RERE: variants seen among roughly 807,000 people sequenced by gnomAD.
The protein encoded by RERE is arginine-glutamic acid dipeptide repeats.
In RERE, 40 loss-of-function variants were observed where a neutral mutation model predicts 146.1. The observed-to-expected ratio is 0.27, with a 90% CI of 0.21 to 0.36. The LOEUF is 0.36. Ranked by LOEUF, RERE falls within the 10% of genes least tolerant of loss-of-function variation. The pLI, the probability that RERE is intolerant of heterozygous loss-of-function variation, is 1.00. For missense variants in RERE, 1,933 were observed against 2,138.7 expected (o/e 0.90, Z 1.90); for synonymous variants, 1,003 against 866.0 (o/e 1.16, Z -2.78).
chr1:8,418,389 T>C (rs550177162), intron 12 of RERE, among the ~76,000 whole-genome samples: 2 of 152,288 alleles, frequency 1.3e-5, no homozygotes, highest in East Asian at 3.9e-4. Flanking sequence ...TCCATCTCCC[T>C]CCAGGGGCTA....
At chr1:8,400,023 C>T (rs1352031206) in intron 12 of RERE, among the ~76,000 whole-genome samples, 3 of 151,802 alleles carry the variant, frequency 2.0e-5, no homozygotes, top group South Asian at 2.1e-4. Flanking sequence ...CCACTGCACC[C>T]GGCTCAGTAT....
In RERE at chr1:8,360,169, C is replaced by A. The variant is rs781369484; in HGVS notation, c.3338G>T (p.Ser1113Ile). ...EPESPPPPPR[S>I]PSPEPTVVDT... ...CACCACAGTGGGCTCCGGGGACGGG[C>A]TCCTTGGTGGGGGAGGGGGGCTCTC... The change falls in exon 18 of 23, where the codon AGC becomes ATC. Residue 1113 changes from serine (S) to isoleucine (I), a missense_variant. Ser to Ile is a moderately radical substitution (Grantham distance 142). Coordinates refer to ENST00000400908, the MANE Select transcript of RERE (RefSeq NM_001042681.2). The A allele has an allele frequency of 1.9e-6, 3 of 1,599,708 alleles. No homozygotes were observed. Among genetic ancestry groups the A allele is most frequent in the Non-Finnish European group, 1.7e-6 (2 of 1,173,638 alleles).
intron 1 of RERE, chr1:8,798,682 A>G (rs1641528423): frequency 5.2e-6 from 1 of 191,934 alleles, no homozygotes; most frequent in East Asian, 1.2e-4. Flanking sequence ...AGAGTCAAAG[A>G]TCAAGTCTTT....
chr1:8,801,770 T>C (rs1374147350), intron 1 of RERE, among the ~76,000 whole-genome samples: 1 of 152,194 alleles, frequency 6.6e-6, no homozygotes, highest in Non-Finnish European at 1.5e-5. Flanking sequence ...ACCCACTGAT[T>C]CAGCAACTCT....
intron 4 of RERE, among the ~76,000 whole-genome samples, chr1:8,568,134 CAAAA>C (rs200687441): frequency 2.6e-5 from 4 of 151,502 alleles, no homozygotes; most frequent in Non-Finnish European, 4.4e-5. Context: ...CAGAACAGAA[CAAAA>C]AAAAGCAGGG....
intron 1 of RERE, among the ~76,000 whole-genome samples, chr1:8,685,446 G>A (rs1639063939): frequency 6.6e-6 from 1 of 152,112 alleles, no homozygotes; most frequent in Admixed American, 6.5e-5. Flanking sequence ...TTAAGGCCGG[G>A]CGCGGTGGCT....
At position 8,556,553 on chromosome 1, in the gene RERE, A is replaced by G; in HGVS notation, c.647T>C (p.Val216Ala). 2 of 1,605,002 alleles carry G rather than the reference A, an allele frequency of 1.2e-6. 1 individual carries two copies. The highest frequency in any genetic ancestry group is 1.7e-6 in the Non-Finnish European group (2 of 1,171,710). Residue 216 changes from valine (V) to alanine (A), a missense_variant, in exon 6 of 23, where the codon GTC becomes GCC. By Grantham distance (64) the Val-to-Ala change is moderately conservative. Transcript: ENST00000400908. ...GTTCTTGATAACTGGGTCTGTAATG[A>G]CAAGTTCTCTTCCAGAGTCTGTCAA... ...HNENDSGREL[V>A]ITDPVIKNRE...
chr1:8,422,676 G>A, intron 12 of RERE, 51 bp downstream of exon 12: 1 of 1,306,666 alleles, frequency 7.7e-7, no homozygotes, highest in Non-Finnish European at 1.1e-6. Context: ...TGGAGAGGCA[G>A]CAGGAGCAAA....
chr1:8,493,362 C>A (rs1435656895), intron 10 of RERE, among the ~76,000 whole-genome samples: 1 of 152,160 alleles, frequency 6.6e-6, no homozygotes, highest in East Asian at 1.9e-4. Context: ...CCTATCGAAT[C>A]AGTGACAATG....
chr1:8,683,574 G>T (rs1393955679), intron 1 of RERE, among the ~76,000 whole-genome samples: 1 of 151,970 alleles, frequency 6.6e-6, no homozygotes, highest in Non-Finnish European at 1.5e-5. Flanking sequence ...ACCAATAAAG[G>T]TATAAAACAC....
At chr1:8,567,405 C>T (rs1646165828) in intron 4 of RERE, among the ~76,000 whole-genome samples, 1 of 152,180 alleles carries the variant, frequency 6.6e-6, no homozygotes, top group South Asian at 2.1e-4. Flanking sequence ...TACATACAAA[C>T]ACTCAGAAAG....
At chr1:8,800,668 A>C (rs1641570654) in intron 1 of RERE, among the ~76,000 whole-genome samples, 1 of 152,074 alleles carries the variant, frequency 6.6e-6, no homozygotes, top group African/African-American at 2.4e-5. Context: ...TTCCGTCTCT[A>C]AAAAAACTTT....
At chr1:8,563,247 A>G (rs551875473) in intron 4 of RERE, among the ~76,000 whole-genome samples, 1 of 152,360 alleles carries the variant, frequency 6.6e-6, no homozygotes, top group South Asian at 2.1e-4. Flanking sequence ...AACAGTCTTA[A>G]TATCAGCCTC....
At chr1:8,406,052 AT>A (rs1174148647) in intron 12 of RERE, among the ~76,000 whole-genome samples, 1 of 151,974 alleles carries the variant, frequency 6.6e-6, no homozygotes, top group Non-Finnish European at 1.5e-5. Flanking sequence ...ATGTACTATG[AT>A]TTTTAACTGC....
chr1:8,353,390 T>C lies in RERE; in HGVS notation c.*1697A>G, dbSNP rs1457008943. The C allele has an allele frequency of 2.0e-5, 3 of 152,382 alleles. No individual in the cohort carries two copies. The highest frequency in any genetic ancestry group is 7.2e-5 in the African/African-American group (3 of 41,602). 9.4% of individuals were successfully genotyped at this position (152,382 alleles called of 1,614,324 possible). A position where few individuals can be genotyped will look rare whatever the true frequency, so the allele number is the denominator to read the frequency against. ...AGATCAAACTATCAGCATCTCTTCC[T>C]GCTCCCTCTGCGGCCTGGGTCCTGG... On this transcript the variant is annotated 3_prime_UTR_variant, in exon 23 of 23. Transcript: ENST00000400908.
intron 12 of RERE, among the ~76,000 whole-genome samples, chr1:8,404,417 CAA>C (rs540856092): frequency 1.4e-5 from 2 of 143,732 alleles, no homozygotes; most frequent in Non-Finnish European, 3.1e-5. Context: ...GACTCTGTCT[CAA>C]AAAAAAAACA....
At chr1:8,643,921 TTAAAG>T (rs1285260596) in intron 2 of RERE, among the ~76,000 whole-genome samples, 3 of 152,190 alleles carry the variant, frequency 2.0e-5, no homozygotes, top group African/African-American at 7.2e-5. Flanking sequence ...CATTATACCA[TTAAAG>T]TATATATTAT....
At position 8,461,764 on chromosome 1, in the gene RERE, G is replaced by GGAGGAGGAA. The variant is rs1557642769; in HGVS notation, c.1203+4152_1203+4160dup. Among the ~76,000 whole-genome samples, 5 of 152,330 alleles carry GGAGGAGGAA rather than the reference G, an allele frequency of 3.3e-5. No individual in the cohort carries two copies. The East Asian group carries it at 9.6e-4, about 29-fold the overall frequency. ...AGGAAAAAGAGGTCAGGTGATAGGA[G>GGAGGAGGAA]GAGGAGGAAGAGGAGAAGGAGGAGT... On this transcript the variant is annotated intron_variant, in intron 11 of 22. Coordinates refer to ENST00000400908, the MANE Select transcript of RERE (RefSeq NM_001042681.2).
rs551721526 is a variant in RERE at position 8,460,993 on chromosome 1, G to A, written c.1203+4932C>T. ...GCTAATTAAGAGCACAGCATCAAGC[G>A]GCAACGGAATCCCAGTGCAATAAGC... is the stretch of plus-strand genomic sequence containing the variant. On this transcript the variant is annotated intron_variant, in intron 11 of 22. Transcript: ENST00000400908. 3.9e-5 allele frequency among the ~76,000 whole-genome samples: 6 copies of A among 152,090 alleles called. No individual in the cohort carries two copies. The South Asian group carries it at 6.2e-4, about 16-fold the overall frequency.
Sources: gnomAD v4.1 joint callset for allele counts (sites outside exome capture counted in the v4.1 genomes callset) on GRCh38, gnomAD v4.1.1 for gene constraint, MANE v1.5 for transcripts, NCBI Gene and HGNC (gene_info 2026-07-23, HGNC 2026-07-21) for gene names.